Variants in NEGR1 observed in about 807,000 individuals in gnomAD.
The protein encoded by NEGR1 is neuronal growth regulator 1.
A neutral mutation model predicts 40.9 loss-of-function variants in NEGR1; 10 were observed. That is an observed-to-expected ratio of 0.24 (90% CI 0.15 to 0.42). The LOEUF (loss-of-function observed/expected upper bound fraction) is 0.42. Ranked by LOEUF, NEGR1 falls within the 10% of genes least tolerant of loss-of-function variation. The pLI, the probability that NEGR1 is intolerant of heterozygous loss-of-function variation, is 1.00. For synonymous variants in NEGR1, 185 were observed against 166.8 expected, an observed-to-expected ratio of 1.11 and a Z score of -0.84; for missense variants, 352 against 438.9, an observed-to-expected ratio of 0.80 and a Z score of 1.77.
intron 1 of NEGR1, among the ~76,000 whole-genome samples, chr1:72,258,811 C>T (rs1655361232): frequency 6.6e-6 from 1 of 152,002 alleles, no homozygotes. Flanking sequence ...AACTAAAATT[C>T]ACCAATTGCT....
At chr1:71,896,005 C>G (rs1660961827) in intron 2 of NEGR1, among the ~76,000 whole-genome samples, 1 of 145,428 alleles carries the variant, frequency 6.9e-6, no homozygotes, top group African/African-American at 2.5e-5. Context: ...ATTGTGGTTT[C>G]AACTTTTAAG....
Position 71,968,653 on chromosome 1 carries a change from T to C in NEGR1, c.177-33342A>G, listed in dbSNP as rs144941058. On this transcript the variant is annotated intron_variant, in intron 1 of 6. Transcript: ENST00000357731. ...TTTTACAAATTAAAGTGCTAAATGA[T>C]AATCAAACATTCTATAGGTATTATT... 3.5e-3 allele frequency among the ~76,000 whole-genome samples: 540 copies of C among 152,318 alleles called. 5 individuals carry two copies. Among genetic ancestry groups the C allele is most frequent in the South Asian group, 0.022 (106 of 4,830 alleles).
chr1:72,137,418 A>G (rs1397612533), intron 1 of NEGR1, among the ~76,000 whole-genome samples: 1 of 152,172 alleles, frequency 6.6e-6, no homozygotes, highest in African/African-American at 2.4e-5. Flanking sequence ...TGCAGCCATA[A>G]AAAAGGATGA....
At chr1:71,787,152 T>A (rs1656942462) in intron 2 of NEGR1, among the ~76,000 whole-genome samples, 1 of 152,144 alleles carries the variant, frequency 6.6e-6, no homozygotes, top group Non-Finnish European at 1.5e-5. Context: ...GTAAAACAAA[T>A]AATTGTAGTT....
At chr1:71,903,125 A>G (rs1218076248) in intron 2 of NEGR1, among the ~76,000 whole-genome samples, 1 of 151,976 alleles carries the variant, frequency 6.6e-6, no homozygotes, top group African/African-American at 2.4e-5. Context: ...AAACCTCCAG[A>G]GATCCTAATT....
At chr1:71,587,649 C>T (rs1260088263) in intron 6 of NEGR1, among the ~76,000 whole-genome samples, 1 of 47,544 alleles carries the variant, frequency 2.1e-5, no homozygotes. Flanking sequence ...CACGAGTACA[C>T]ACACACACAC....
chr1:71,496,804 G>T (rs753060036), intron 6 of NEGR1, among the ~76,000 whole-genome samples: 27 of 152,128 alleles, frequency 1.8e-4, no homozygotes, highest in Non-Finnish European at 3.8e-4. Flanking sequence ...TTATCCACCT[G>T]CTAGAGTTCT....
chr1:72,130,535 G>A (rs1352445303), intron 1 of NEGR1, among the ~76,000 whole-genome samples: 1 of 152,102 alleles, frequency 6.6e-6, no homozygotes, highest in Non-Finnish European at 1.5e-5. Context: ...GGCGTTTAGT[G>A]CTTTTTTGGA....
intron 3 of NEGR1, among the ~76,000 whole-genome samples, chr1:71,730,031 C>T (rs1223017699): frequency 6.6e-6 from 1 of 151,796 alleles, no homozygotes; most frequent in African/African-American, 2.4e-5. Flanking sequence ...GACTGTTAAA[C>T]CTGGTCATTG....
At chr1:71,897,248 T>C (rs1661000118) in intron 2 of NEGR1, among the ~76,000 whole-genome samples, 1 of 152,138 alleles carries the variant, frequency 6.6e-6, no homozygotes. Context: ...TCAGATTCTC[T>C]CCATTTCCCG....
chr1:71,678,994 T>C (rs1652738313), intron 4 of NEGR1, among the ~76,000 whole-genome samples: 1 of 152,118 alleles, frequency 6.6e-6, no homozygotes, highest in Non-Finnish European at 1.5e-5. Context: ...AGCAGGACAG[T>C]GACGGTATCA....
intron 2 of NEGR1, among the ~76,000 whole-genome samples, chr1:71,796,179 T>C (rs80056454): frequency 0.013 from 2,036 of 152,234 alleles, 44 homozygotes; most frequent in African/African-American, 0.047. Context: ...TCATACAATT[T>C]TCCTTCCAAG....
intron 1 of NEGR1, among the ~76,000 whole-genome samples, chr1:72,135,375 C>CAAAAAAAAAAAAACAAA (rs1650414741): frequency 2.8e-5 from 2 of 71,384 alleles, no homozygotes; most frequent in African/African-American, 5.3e-5. Context: ...GACTCCGTCT[C>CAAAAAAAAAAAAACAAA]AAAAAAAAAA....
At chr1:71,807,666 C>A (rs1657826844) in intron 2 of NEGR1, among the ~76,000 whole-genome samples, 1 of 152,102 alleles carries the variant, frequency 6.6e-6, no homozygotes. Flanking sequence ...GGTAACAAAC[C>A]ATTTCAAATT....
chr1:72,026,805 A>G (rs909184234), intron 1 of NEGR1, among the ~76,000 whole-genome samples: 4 of 152,036 alleles, frequency 2.6e-5, no homozygotes, highest in Non-Finnish European at 5.9e-5. Flanking sequence ...TCCATACATT[A>G]TTTCTACCCT....
At chr1:71,842,295 G>A (rs896378092) in intron 2 of NEGR1, among the ~76,000 whole-genome samples, 11 of 152,130 alleles carry the variant, frequency 7.2e-5, no homozygotes, top group Admixed American at 2.0e-4. Context: ...TGATTCTTTT[G>A]AAGGGGAAAT....
chr1:72,240,583 T>C (rs1431861753), intron 1 of NEGR1, among the ~76,000 whole-genome samples: 1 of 151,778 alleles, frequency 6.6e-6, no homozygotes, highest in African/African-American at 2.4e-5. Flanking sequence ...ATCAAAACAA[T>C]GGCTACCAAG....
chr1:72,143,838 A>C (rs1486776083), intron 1 of NEGR1, among the ~76,000 whole-genome samples: 3 of 145,902 alleles, frequency 2.1e-5, no homozygotes, highest in Non-Finnish European at 4.5e-5. Context: ...AAATGTACTG[A>C]TAACAAAGAA....
intron 1 of NEGR1, among the ~76,000 whole-genome samples, chr1:71,999,668 TATATA>T (rs1646539217): frequency 2.0e-5 from 1 of 49,510 alleles, no homozygotes; most frequent in Non-Finnish European, 4.5e-5. Context: ...TATATATATA[TATATA>T]TATATACATA....
Sources: gnomAD v4.1 joint callset for allele counts (sites outside exome capture counted in the v4.1 genomes callset) on GRCh38, gnomAD v4.1.1 for gene constraint, MANE v1.5 for transcripts, NCBI Gene and HGNC (gene_info 2026-07-23, HGNC 2026-07-21) for gene names.